Variants in MSR1 observed in about 807,000 individuals in gnomAD.
MSR1 encodes macrophage scavenger receptor types I and II.
A neutral mutation model predicts 47.2 loss-of-function variants in MSR1; 53 were observed. The observed-to-expected ratio is 1.12, with a 90% confidence interval of 0.90 to 1.41. The LOEUF is 1.41. Ranked by LOEUF, MSR1 falls within the 40% of genes most tolerant of loss-of-function variation. The pLI, the probability that MSR1 is intolerant of heterozygous loss-of-function variation, is 0.00. For synonymous variants in MSR1, 239 were observed against 185.6 expected (o/e 1.29, Z -2.34); for missense variants, 786 against 546.9 (o/e 1.44, Z -4.36).
intron 4 of MSR1, among the ~76,000 whole-genome samples, chr8:16,164,950 T>C (rs1801262913): frequency 6.6e-6 from 1 of 152,100 alleles, no homozygotes; most frequent in Non-Finnish European, 1.5e-5. Context: ...ATATTAAGGA[T>C]ATTTATCTAT....
At position 16,168,636 on chromosome 8, in the gene MSR1, C is replaced by A. The variant is rs1801389204; in HGVS notation, c.452G>T (p.Arg151Ile). 1 of 1,614,128 alleles carries A rather than the reference C, an allele frequency of 6.2e-7. No individual in the cohort carries two copies. The highest frequency in any genetic ancestry group is 1.1e-5 in the South Asian group (1 of 91,082). ...TAGCTGCAGAAGAATGTCATTAAAT[C>A]TTTGATCAGTTGTCATGCTGAAATT... ...FQNFSMTTDQ[R>I]FNDILLQLST... The change falls in exon 4 of 10, where the codon AGA becomes ATA. Residue 151 changes from arginine to isoleucine, a missense_variant. Transcript: ENST00000262101.
chr8:16,156,531 C>G (rs948385273), intron 5 of MSR1, among the ~76,000 whole-genome samples: 2 of 151,774 alleles, frequency 1.3e-5, no homozygotes, highest in African/African-American at 4.8e-5. Context: ...AATAGAATGT[C>G]CCTTTCTCCT....
rs557003884 is a variant in MSR1 at position 16,140,514 on chromosome 8, C to A, written c.1033+3044G>T. On this transcript the variant is annotated intron_variant, in intron 8 of 9. Coordinates refer to ENST00000262101, the MANE Select transcript of MSR1 (RefSeq NM_138715.3). ...AGCATGGCGAGAAATACTACCAAAC[C>A]ACATATTGGTAATTGAGATATTTAG... 9.1e-6 allele frequency: 9 copies of A among 993,324 alleles called. No individual in the cohort carries two copies. In the East Asian group the frequency reaches 9.9e-4, roughly 109 times the overall value. 61.5% of individuals were successfully genotyped at this position (993,324 alleles called of 1,614,324 possible). A position where few individuals can be genotyped will look rare whatever the true frequency, so the allele number is the denominator to read the frequency against.
At chr8:16,177,705 T>A (rs1374087869) in intron 2 of MSR1, among the ~76,000 whole-genome samples, 181 bp downstream of exon 2, 2 of 152,190 alleles carry the variant, frequency 1.3e-5, no homozygotes, top group Non-Finnish European at 2.9e-5. Context: ...TAATTTCATA[T>A]AATACTGCCT....
chr8:16,121,636 T>C (rs1320581378), intron 8 of MSR1, among the ~76,000 whole-genome samples: 1 of 151,708 alleles, frequency 6.6e-6, no homozygotes, highest in Middle Eastern at 3.2e-3. Context: ...ATTTAGTTAA[T>C]ATTAAATAAA....
intron 7 of MSR1, among the ~76,000 whole-genome samples, chr8:16,146,673 T>C (rs577998450): frequency 1.3e-5 from 2 of 152,258 alleles, no homozygotes; most frequent in South Asian, 2.1e-4. Context: ...TCTTCTTCAG[T>C]TGGGCTACTT....
chr8:16,164,087 C>G lies in MSR1; in HGVS notation c.795G>C (p.Leu265Phe), dbSNP rs1010634154. 3 of 1,608,784 alleles carry G rather than the reference C, an allele frequency of 1.9e-6. No individual in the cohort carries two copies. The highest frequency in any genetic ancestry group is 2.5e-6 in the Non-Finnish European group (3 of 1,176,578). Residue 265 changes from leucine to phenylalanine, a missense_variant, in exon 5 of 10, where the codon TTG becomes TTC. By Grantham distance (22) the Leu-to-Phe change is conservative (BLOSUM62 0). Coordinates refer to ENST00000262101, the MANE Select transcript of MSR1 (RefSeq NM_138715.3). ...TACCTTGAATTAAAGTGATATTTCT[C>G]AAGGTCTGAGAATGTTCCCAATCTT... is the stretch of plus-strand genomic sequence containing the variant. ...RLKDWEHSQT[L>F]RNITLIQGPP...
rs1801998509 is a variant in MSR1 at position 16,186,307 on chromosome 8, C to T, written c.-5+6291G>A. 7 of 961,026 alleles carry T rather than the reference C, an allele frequency of 7.3e-6. No homozygotes were observed. In the South Asian group the frequency reaches 7.3e-5, roughly 10 times the overall value. 59.5% of individuals were successfully genotyped at this position (961,026 alleles called of 1,614,324 possible). A position where few individuals can be genotyped will look rare whatever the true frequency, so the allele number is the denominator to read the frequency against. ...TCCAGTTTCTGTTCTGTTTTCTCTC[C>T]TATTTTCACTCCCTTGGTGATCTCA... On this transcript the variant is annotated intron_variant, in intron 1 of 9. Transcript: ENST00000262101.
At chr8:16,175,424 T>C (rs1221111401) in intron 2 of MSR1, 124 bp from the exon 3 acceptor site, 13 of 850,624 alleles carry the variant, frequency 1.5e-5, no homozygotes, top group Non-Finnish European at 2.2e-5. Context: ...GAAGAAAAAA[T>C]GTTCCACATC....
chr8:16,177,105 T>A (rs988903440), intron 2 of MSR1, among the ~76,000 whole-genome samples: 1 of 152,200 alleles, frequency 6.6e-6, no homozygotes, highest in Non-Finnish European at 1.5e-5. Context: ...ACTTTTTAGC[T>A]GTTGTCGTAA....
intron 8 of MSR1, among the ~76,000 whole-genome samples, chr8:16,126,926 T>C (rs1278157477): frequency 6.6e-6 from 1 of 152,130 alleles, no homozygotes; most frequent in African/African-American, 2.4e-5. Context: ...GAGTGATAGA[T>C]TCCTTGTGGG....
chr8:16,171,761 A>C (rs1259916448), intron 3 of MSR1, among the ~76,000 whole-genome samples: 1 of 152,166 alleles, frequency 6.6e-6, no homozygotes, highest in Non-Finnish European at 1.5e-5. Context: ...ATTTCTTTTG[A>C]AGTAGCAGTT....
In MSR1 at chr8:16,174,280, A is replaced by G. The variant is rs575505983; in HGVS notation, c.217+907T>C. On this transcript the variant is annotated intron_variant, in intron 3 of 9. Coordinates refer to ENST00000262101, the MANE Select transcript of MSR1 (RefSeq NM_138715.3). Reference sequence around the variant, plus strand: ...TGTTGTTGTTGTTAAACTGCTTAGTATGCACATAAAAATGTATCTTATTCC... The same window carrying G: ...TGTTGTTGTTGTTAAACTGCTTAGTGTGCACATAAAAATGTATCTTATTCC... Among the ~76,000 whole-genome samples, 14 of 152,272 alleles carry G rather than the reference A, an allele frequency of 9.2e-5. No homozygotes were observed. In the South Asian group the frequency reaches 2.9e-3, roughly 32 times the overall value.
chr8:16,183,860 A>T (rs1416205978), intron 1 of MSR1, among the ~76,000 whole-genome samples: 1 of 143,760 alleles, frequency 7.0e-6, no homozygotes, highest in African/African-American at 2.5e-5. Flanking sequence ...GGCAATATAT[A>T]ATATTAAATA....
intron 7 of MSR1, among the ~76,000 whole-genome samples, chr8:16,145,956 T>C (rs1252873450): frequency 1.3e-5 from 2 of 152,134 alleles, no homozygotes; most frequent in Non-Finnish European, 2.9e-5. Flanking sequence ...CTTATATTTC[T>C]AAAAGCCATT....
At chr8:16,121,247 A>G in intron 8 of MSR1, 1 of 384,028 alleles carries the variant, frequency 2.6e-6, no homozygotes, top group Non-Finnish European at 5.1e-6. Context: ...AAATCAGACA[A>G]TTTTGTTTAT....
chr8:16,115,459 C>T (rs545577455), intron 9 of MSR1, among the ~76,000 whole-genome samples: 107 of 152,226 alleles, frequency 7.0e-4, no homozygotes, highest in African/African-American at 2.3e-3. Flanking sequence ...ATAAAAACCT[C>T]GTTTGCCATG....
intron 8 of MSR1, among the ~76,000 whole-genome samples, chr8:16,132,983 G>T (rs1021277053): frequency 4.6e-5 from 7 of 152,128 alleles, no homozygotes; most frequent in African/African-American, 1.2e-4. Context: ...ACATGAAGAG[G>T]TGTTGAATTT....
chr8:16,143,673 T>G (rs1800622657), intron 7 of MSR1, 62 bp from the exon 8 acceptor site: 1 of 1,211,320 alleles, frequency 8.3e-7, no homozygotes. Flanking sequence ...TTGCTTTAAC[T>G]GGAGACAGAT....
Sources: gnomAD v4.1 joint callset for allele counts (sites outside exome capture counted in the v4.1 genomes callset) on GRCh38, gnomAD v4.1.1 for gene constraint, MANE v1.5 for transcripts, NCBI Gene and HGNC (gene_info 2026-07-23, HGNC 2026-07-21) for gene names.